The following GPR19 variants were observed in gnomAD, a reference collection of about 807,000 sequenced individuals.
GPR19 encodes probable G protein-coupled receptor 19.
In GPR19, 14 loss-of-function variants were observed where a neutral mutation model predicts 28.5. That is an observed-to-expected ratio of 0.49 (90% CI 0.32 to 0.77). GPR19 has a LOEUF of 0.77. Among genes scored for constraint, GPR19 ranks in the 30% least tolerant of loss-of-function variants. The pLI is 0.03. For synonymous variants in GPR19, 173 were observed against 184.1 expected (o/e 0.94, Z 0.49); for missense variants, 409 against 504.1 (o/e 0.81, Z 1.81).
At chr12:12,668,971 T>TA (rs1463071566) in intron 3 of GPR19, 1 of 152,358 alleles carries the variant, frequency 6.6e-6, no homozygotes, top group South Asian at 2.1e-4. Flanking sequence ...CCCTTGCTCT[T>TA]AACTACCATC....
chr12:12,661,120 A>C lies in GPR19; in HGVS notation c.*81T>G, dbSNP rs1244338815. Reference sequence around the variant, plus strand: ...AACATTTCCCTTGGAAAGTTGAGTGAAAACAAATATGTAAATAGCTTCTGT... The same window carrying C: ...AACATTTCCCTTGGAAAGTTGAGTGCAAACAAATATGTAAATAGCTTCTGT... On this transcript the variant is annotated 3_prime_UTR_variant, in exon 4 of 4. Transcript: ENST00000651487. The surrounding 1 kb of genome is among the most constrained non-coding windows in gnomAD (Gnocchi z 4.2). 1.0e-6 allele frequency: 1 copy of C among 994,490 alleles called. No individual in the cohort carries two copies. The highest frequency in any genetic ancestry group is 1.4e-6 in the Non-Finnish European group (1 of 691,640). 61.6% of individuals were successfully genotyped at this position (994,490 alleles called of 1,614,324 possible). A position where few individuals can be genotyped will look rare whatever the true frequency, so the allele number is the denominator to read the frequency against.
chr12:12,696,511 A>G (rs955211967), upstream of GPR19, among the ~76,000 whole-genome samples: 4 of 152,236 alleles, frequency 2.6e-5, no homozygotes, highest in Non-Finnish European at 5.9e-5. Flanking sequence ...GATCTCTGCG[A>G]GGCCCAGAAG....
intron 3 of GPR19, among the ~76,000 whole-genome samples, chr12:12,682,593 T>A (rs1946038075): frequency 6.6e-6 from 1 of 152,210 alleles, no homozygotes; most frequent in African/African-American, 2.4e-5. Flanking sequence ...AGCATCAAAG[T>A]GTTACTTGTT....
Position 12,661,191 on chromosome 12 carries a change from G to T in GPR19, c.*10C>A. 1 of 1,577,428 alleles carries T rather than the reference G, an allele frequency of 6.3e-7. No homozygotes were observed. The highest frequency in any genetic ancestry group is 8.6e-7 in the Non-Finnish European group (1 of 1,160,146). On this transcript the variant is annotated 3_prime_UTR_variant, in exon 4 of 4. Coordinates refer to ENST00000651487, the MANE Select transcript of GPR19 (RefSeq NM_006143.3). The surrounding 1 kb of genome is among the most constrained non-coding windows in gnomAD (Gnocchi z 4.2). The stretch of plus-strand genomic sequence containing the variant: ...AATCTCTGGTGCATAACAATTGAAA[G>T]AATGAGAACTTAGACAAAAGTATTT...
At chr12:12,694,666 T>G (rs1266671521) in intron 2 of GPR19, among the ~76,000 whole-genome samples, 1 of 152,172 alleles carries the variant, frequency 6.6e-6, no homozygotes, top group African/African-American at 2.4e-5. Flanking sequence ...ATTATCCTTA[T>G]TTTATAAATT....
intron 3 of GPR19, among the ~76,000 whole-genome samples, chr12:12,667,461 C>T (rs926543889): frequency 7.9e-5 from 12 of 152,028 alleles, no homozygotes; most frequent in African/African-American, 2.2e-4. Flanking sequence ...GAGGCTGAGG[C>T]GGGCGGATCA....
chr12:12,703,873 A>G, the GPR19 span, among the ~76,000 whole-genome samples: 5 of 152,208 alleles, frequency 3.3e-5, no homozygotes, highest in Admixed American at 6.5e-5. Context: ...TGCCAATCAT[A>G]TCTACTGGGT....
At chr12:12,687,008 A>G (rs1351493531) in intron 2 of GPR19, among the ~76,000 whole-genome samples, 1 of 152,202 alleles carries the variant, frequency 6.6e-6, no homozygotes, top group Non-Finnish European at 1.5e-5. Flanking sequence ...CCAAAGTTAT[A>G]ATCACCAAAT....
At chr12:12,674,535 G>A (rs1473434610) in intron 3 of GPR19, among the ~76,000 whole-genome samples, 1 of 152,106 alleles carries the variant, frequency 6.6e-6, no homozygotes, top group Non-Finnish European at 1.5e-5. Flanking sequence ...TAGGGAATGG[G>A]GATGACCCCT....
At chr12:12,669,767 A>G (rs564408001) in intron 3 of GPR19, among the ~76,000 whole-genome samples, 14 of 152,300 alleles carry the variant, frequency 9.2e-5, no homozygotes, top group African/African-American at 3.1e-4. Flanking sequence ...AGGGCAGCCT[A>G]TCCTAAGTCC....
chr12:12,675,303 C>T (rs1434742630), intron 3 of GPR19, among the ~76,000 whole-genome samples: 2 of 152,076 alleles, frequency 1.3e-5, no homozygotes, highest in Non-Finnish European at 2.9e-5. Flanking sequence ...TGTGTAAGAA[C>T]CCCAGGACCT....
intron 3 of GPR19, among the ~76,000 whole-genome samples, chr12:12,674,499 C>T (rs1275299814): frequency 2.6e-5 from 4 of 152,018 alleles, no homozygotes; most frequent in African/African-American, 9.7e-5. Flanking sequence ...ACAGAGCCAA[C>T]AAGATTAGTT....
chr12:12,714,580 C>A, the GPR19 span, among the ~76,000 whole-genome samples: 1 of 152,214 alleles, frequency 6.6e-6, no homozygotes, highest in African/African-American at 2.4e-5. Context: ...ACCAAAACAT[C>A]ACGCAGGACT....
Position 12,678,142 on chromosome 12 carries a change from C to T in GPR19, c.-23+6209G>A, listed in dbSNP as rs79816369. On this transcript the variant is annotated intron_variant, in intron 3 of 3. Transcript: ENST00000651487. ...TTTCAACCTTTCTTCTTCAGAGACA[C>T]ATCACAAATGTGTTCATATGTGTGA... 2.5e-3 allele frequency among the ~76,000 whole-genome samples: 370 copies of T among 146,698 alleles called. 1 individual carries two copies. Among genetic ancestry groups the T allele is most frequent in the African/African-American group, 8.6e-3 (341 of 39,564 alleles).
chr12:12,685,261 TG>T (rs1319446844), intron 2 of GPR19, among the ~76,000 whole-genome samples: 1 of 106,908 alleles, frequency 9.4e-6, no homozygotes, highest in Non-Finnish European at 1.8e-5. Flanking sequence ...TCTTTAAATA[TG>T]GTCTTTTTTT....
At chr12:12,667,214 C>T (rs1237550599) in intron 3 of GPR19, among the ~76,000 whole-genome samples, 2 of 152,208 alleles carry the variant, frequency 1.3e-5, no homozygotes, top group African/African-American at 4.8e-5. Flanking sequence ...TATCTCTTCC[C>T]AGCCAGTTCT....
chr12:12,706,384 T>C, the GPR19 span, among the ~76,000 whole-genome samples: 1 of 152,174 alleles, frequency 6.6e-6, no homozygotes, highest in African/African-American at 2.4e-5. Context: ...TCATCTTGAT[T>C]TCTAAAAGTT....
chr12:12,685,009 C>T (rs1194695188), intron 2 of GPR19: 4 of 152,152 alleles, frequency 2.6e-5, no homozygotes, highest in African/African-American at 9.7e-5. Flanking sequence ...GCATTACACC[C>T]TCTTCAAGTG....
At chr12:12,685,284 G>GT (rs1198897680) in intron 2 of GPR19, among the ~76,000 whole-genome samples, 2 of 148,256 alleles carry the variant, frequency 1.3e-5, no homozygotes, top group Non-Finnish European at 3.0e-5. Flanking sequence ...TTTTTTGGTG[G>GT]GGGGGAGGGA....
Sources: gnomAD v4.1 joint callset for allele counts (sites outside exome capture counted in the v4.1 genomes callset) on GRCh38, gnomAD v4.1.1 for gene constraint, Gnocchi (gnomAD v3.1) non-coding constraint, MANE v1.5 for transcripts, NCBI Gene and HGNC (gene_info 2026-07-23, HGNC 2026-07-21) for gene names.